Variants in KIAA0319L observed in about 807,000 individuals in gnomAD.
KIAA0319L encodes the protein KIAA0319 like.
Under a neutral mutation model 120.1 loss-of-function variants are expected in KIAA0319L, and 55 were observed. That is an observed-to-expected ratio of 0.46 (90% CI 0.37 to 0.57). KIAA0319L has a LOEUF of 0.57. Ranked by LOEUF, KIAA0319L falls within the 20% of genes least tolerant of loss-of-function variation. The pLI, the probability that KIAA0319L is intolerant of heterozygous loss-of-function variation, is 0.00. For synonymous variants in KIAA0319L, 398 were observed against 471.9 expected (o/e 0.84, Z 2.03); for missense variants, 1,049 against 1,255.3 (o/e 0.84, Z 2.48).
At chr1:35,541,091 A>G (rs1236734232) in intron 2 of KIAA0319L, among the ~76,000 whole-genome samples, 1 of 151,896 alleles carries the variant, frequency 6.6e-6, no homozygotes, top group East Asian at 1.9e-4. Flanking sequence ...ACAGATGCAC[A>G]CTATCAAGCA....
At chr1:35,521,565 C>T (rs1464608653) in intron 2 of KIAA0319L, among the ~76,000 whole-genome samples, 18 of 149,338 alleles carry the variant, frequency 1.2e-4, no homozygotes, top group East Asian at 1.0e-3. Context: ...ACCCGGGAGG[C>T]GGAGCTTGCA....
chr1:35,434,724 G>A lies in KIAA0319L; in HGVS notation c.*170C>T, dbSNP rs948765707. On this transcript the variant is annotated 3_prime_UTR_variant, in exon 21 of 21. Coordinates refer to ENST00000325722, the MANE Select transcript of KIAA0319L (RefSeq NM_024874.5). ...AAACCTCTTCATTCACAGCTTCGTT[G>A]AGGGGTTCCTGGAGGACGTCTCTGG... 18 of 587,404 alleles carry A rather than the reference G, an allele frequency of 3.1e-5. No individual in the cohort carries two copies. Among genetic ancestry groups the A allele is most frequent in the Middle Eastern group, 9.1e-4 (2 of 2,202 alleles). The allele number at this position is 587,404 out of a possible 1,614,324, so 36.4% of individuals were successfully genotyped here.
chr1:35,546,468 G>C (rs1275503765), intron 2 of KIAA0319L, among the ~76,000 whole-genome samples: 8 of 152,202 alleles, frequency 5.3e-5, no homozygotes, highest in African/African-American at 1.7e-4. Context: ...ACTCAGAAGA[G>C]GATGAAGGTG....
chr1:35,470,717 G>T (rs919256424), intron 6 of KIAA0319L, 146 bp downstream of exon 6: 2 of 617,004 alleles, frequency 3.2e-6, no homozygotes, highest in Non-Finnish European at 5.9e-6. Flanking sequence ...AACAAATACT[G>T]GATGTCAGCC....
intron 6 of KIAA0319L, among the ~76,000 whole-genome samples, chr1:35,468,910 T>C (rs1386849972): frequency 1.3e-5 from 2 of 152,338 alleles, no homozygotes; most frequent in East Asian, 3.9e-4. Flanking sequence ...TTTTTAGTTT[T>C]GTCATTTGTA....
intron 2 of KIAA0319L, among the ~76,000 whole-genome samples, chr1:35,541,027 G>A (rs1447742685): frequency 6.6e-6 from 1 of 151,504 alleles, no homozygotes; most frequent in Non-Finnish European, 1.5e-5. Context: ...CTGAAGCCTC[G>A]ACTTCCTGGG....
At chr1:35,470,529 T>C (rs1361715382) in intron 6 of KIAA0319L, among the ~76,000 whole-genome samples, 1 of 149,870 alleles carries the variant, frequency 6.7e-6, no homozygotes, top group Non-Finnish European at 1.5e-5. Context: ...AAACCTATAC[T>C]GAATCCCACA....
intron 2 of KIAA0319L, among the ~76,000 whole-genome samples, chr1:35,530,180 C>A (rs1646308896): frequency 6.6e-6 from 1 of 151,734 alleles, no homozygotes; most frequent in Non-Finnish European, 1.5e-5. Flanking sequence ...CGACTACAGG[C>A]ATGCACCACC....
At chr1:35,483,054 G>C (rs958460827) in intron 3 of KIAA0319L, among the ~76,000 whole-genome samples, 1 of 152,142 alleles carries the variant, frequency 6.6e-6, no homozygotes, top group Non-Finnish European at 1.5e-5. Context: ...CTCTTTGGTG[G>C]ACTATCTGTT....
intron 6 of KIAA0319L, among the ~76,000 whole-genome samples, chr1:35,468,417 A>G (rs2149120326): frequency 6.6e-6 from 1 of 152,266 alleles, no homozygotes; most frequent in Non-Finnish European, 1.5e-5. Context: ...AAAATCATCT[A>G]TTTGAGGTTG....
At chr1:35,474,064 G>A (rs1021269473) in intron 5 of KIAA0319L, among the ~76,000 whole-genome samples, 3 of 152,132 alleles carry the variant, frequency 2.0e-5, no homozygotes, top group African/African-American at 7.2e-5. Flanking sequence ...CTTGAATTTT[G>A]TATATCACAT....
At position 35,453,648 on chromosome 1, in the gene KIAA0319L, C is replaced by T. The variant is rs1280910832; in HGVS notation, c.1822G>A (p.Glu608Lys). 1 of 1,613,956 alleles carries T rather than the reference C, an allele frequency of 6.2e-7. No individual in the cohort carries two copies. The highest frequency in any genetic ancestry group is 8.5e-7 in the Non-Finnish European group (1 of 1,179,962). The change falls in exon 12 of 21, where the codon GAG becomes AAG. Residue 608 changes from glutamate to lysine, a missense_variant. Glu to Lys is a moderately conservative substitution (Grantham distance 56). Transcript: ENST00000325722. This position sits in a 1 kb window ranked among gnomAD's most constrained non-coding sequence, Gnocchi z 4.1. ...GTGCTATCCACAGGAAGGGTCAGCTCTTTATCTGGGCCTGCATCTGCCTGA... is the reference window on the plus strand; with the variant it reads ...GTGCTATCCACAGGAAGGGTCAGCTTTTTATCTGGGCCTGCATCTGCCTGA... ...PPQADAGPDK[E>K]LTLPVDSTTL...
At chr1:35,498,505 T>C (rs1644892951) in intron 3 of KIAA0319L, among the ~76,000 whole-genome samples, 1 of 152,204 alleles carries the variant, frequency 6.6e-6, no homozygotes, top group Admixed American at 6.5e-5. Context: ...TTCATAATGA[T>C]GAAAGGTTTC....
At chr1:35,458,089 C>T (rs775134339) in intron 9 of KIAA0319L, among the ~76,000 whole-genome samples, 1 of 152,178 alleles carries the variant, frequency 6.6e-6, no homozygotes, top group East Asian at 1.9e-4. Flanking sequence ...CTACCTGCCA[C>T]CATGCTCAGC....
chr1:35,529,750 T>C (rs1011841311), intron 2 of KIAA0319L, among the ~76,000 whole-genome samples: 16 of 152,226 alleles, frequency 1.1e-4, no homozygotes, highest in Non-Finnish European at 2.1e-4. Flanking sequence ...CTTTTTGTCT[T>C]TACTTCTGAC....
chr1:35,459,989 G>A (rs2074677), intron 9 of KIAA0319L, among the ~76,000 whole-genome samples: 11,419 of 152,204 alleles, frequency 0.075, 1,063 homozygotes, highest in East Asian at 0.44. Flanking sequence ...CCTGAGAAGA[G>A]GCAAAGGAAG....
intron 2 of KIAA0319L, among the ~76,000 whole-genome samples, chr1:35,508,267 G>A (rs1347482773): frequency 6.6e-6 from 1 of 151,922 alleles, no homozygotes; most frequent in South Asian, 2.1e-4. Flanking sequence ...CCTGGCCCTG[G>A]GCTTATAACA....
intron 6 of KIAA0319L, among the ~76,000 whole-genome samples, chr1:35,466,904 C>T (rs931514660): frequency 6.6e-6 from 1 of 152,080 alleles, no homozygotes; most frequent in African/African-American, 2.4e-5. Flanking sequence ...CCAGCCTGGG[C>T]AATATGCCAA....
chr1:35,530,932 G>C (rs899136212), intron 2 of KIAA0319L, among the ~76,000 whole-genome samples: 1 of 152,210 alleles, frequency 6.6e-6, no homozygotes. Flanking sequence ...TACTTGATTG[G>C]CATGGCAACA....
Sources: allele counts gnomAD v4.1 joint callset (sites outside exome capture counted in the v4.1 genomes callset), GRCh38; gene constraint gnomAD v4.1.1; non-coding constraint Gnocchi (gnomAD v3.1); transcripts MANE v1.5; gene names NCBI Gene and HGNC (gene_info 2026-07-23, HGNC 2026-07-21).